ACBD6: variants seen among roughly 807,000 people sequenced by gnomAD.
ACBD6 encodes acyl-CoA binding domain containing 6, also known as acyl-CoA-binding domain-containing protein 6.
In ACBD6, 28 loss-of-function variants were observed where a neutral mutation model predicts 37.2. The observed-to-expected ratio is 0.75, with a 90% CI of 0.56 to 1.03. The LOEUF (loss-of-function observed/expected upper bound fraction) is 1.03. ACBD6 is among the 50% of genes least tolerant of loss of function. ACBD6 has a pLI of 0.00. For missense variants in ACBD6, 340 were observed against 337.4 expected (o/e 1.01, Z -0.06); for synonymous variants, 113 against 126.8 (o/e 0.89, Z 0.73).
chr1:180,363,916 A>G (rs1652940268), intron 6 of ACBD6, among the ~76,000 whole-genome samples: 1 of 152,192 alleles, frequency 6.6e-6, no homozygotes, highest in South Asian at 2.1e-4. Context: ...CCCTTTACTG[A>G]TATTAGAAGT....
intron 3 of ACBD6, among the ~76,000 whole-genome samples, chr1:180,471,702 T>C (rs1166259058): frequency 6.6e-6 from 1 of 152,088 alleles, no homozygotes; most frequent in East Asian, 1.9e-4. Context: ...ATGATTCAAT[T>C]ACCTCCCCCT....
chr1:180,413,279 T>C (rs1647934689), intron 5 of ACBD6, 87 bp downstream of exon 5: 3 of 931,618 alleles, frequency 3.2e-6, no homozygotes, highest in East Asian at 2.4e-5. Flanking sequence ...CTTTGAGTTG[T>C]AGTTCATTGG....
intron 3 of ACBD6, among the ~76,000 whole-genome samples, chr1:180,437,855 G>A (rs542967074): frequency 6.6e-5 from 10 of 152,300 alleles, no homozygotes; most frequent in African/African-American, 2.4e-4. Flanking sequence ...GTGAAGAAGT[G>A]AGTCTTGCAG....
intron 6 of ACBD6, among the ~76,000 whole-genome samples, chr1:180,383,983 C>A (rs926985858): frequency 2.1e-4 from 32 of 151,924 alleles, no homozygotes; most frequent in African/African-American, 7.3e-4. Flanking sequence ...AGGGAATAAA[C>A]TGGATCCCCA....
intron 3 of ACBD6, among the ~76,000 whole-genome samples, chr1:180,457,761 C>T (rs1028048402): frequency 6.7e-6 from 1 of 148,668 alleles, no homozygotes; most frequent in African/African-American, 2.5e-5. Context: ...TGCATTATTC[C>T]AAAAAAGTCT....
At chr1:180,403,190 A>G (rs1647453503) in intron 5 of ACBD6, among the ~76,000 whole-genome samples, 1 of 152,186 alleles carries the variant, frequency 6.6e-6, no homozygotes, top group Non-Finnish European at 1.5e-5. Flanking sequence ...TGGGATTAAA[A>G]GAAAACAGTG....
downstream of ACBD6, among the ~76,000 whole-genome samples, chr1:180,284,846 G>C (rs1649427813): frequency 6.6e-6 from 1 of 151,902 alleles, no homozygotes; most frequent in African/African-American, 2.4e-5. Context: ...TAATTACCCT[G>C]ATTTTGAATA....
At chr1:180,323,592 G>A (rs1651155995) in intron 6 of ACBD6, among the ~76,000 whole-genome samples, 1 of 151,972 alleles carries the variant, frequency 6.6e-6, no homozygotes, top group Non-Finnish European at 1.5e-5. Flanking sequence ...AGTGTTGGAT[G>A]CATATATATT....
At chr1:180,465,221 C>T (rs1456614345) in intron 3 of ACBD6, among the ~76,000 whole-genome samples, 1 of 151,900 alleles carries the variant, frequency 6.6e-6, no homozygotes, top group East Asian at 1.9e-4. Context: ...AATAAACTAT[C>T]AACAGAAAAT....
At chr1:180,279,812 A>C (rs1038407470) in intron 9 of ACBD6, among the ~76,000 whole-genome samples, 1 of 151,996 alleles carries the variant, frequency 6.6e-6, no homozygotes, top group Non-Finnish European at 1.5e-5. Flanking sequence ...TGGAATGGAA[A>C]CAGCAACAGG....
chr1:180,385,054 T>C (rs1653799146), intron 6 of ACBD6, among the ~76,000 whole-genome samples: 2 of 152,176 alleles, frequency 1.3e-5, no homozygotes, highest in East Asian at 1.9e-4. Context: ...GGTATAAACA[T>C]ACAGTTAGAT....
At chr1:180,475,515 T>G (rs987444975) in intron 3 of ACBD6, among the ~76,000 whole-genome samples, 1 of 152,140 alleles carries the variant, frequency 6.6e-6, no homozygotes, top group Admixed American at 6.5e-5. Context: ...ACCTCCTGAG[T>G]AACTGGGACC....
intron 6 of ACBD6, among the ~76,000 whole-genome samples, chr1:180,349,501 T>C (rs148858881): frequency 0.044 from 6,754 of 152,008 alleles, 230 homozygotes; most frequent in South Asian, 0.09. Flanking sequence ...GTGATCCGCC[T>C]GCCTCGGCCT....
chr1:180,425,436 T>C (rs1478681664), intron 4 of ACBD6, among the ~76,000 whole-genome samples: 1 of 152,192 alleles, frequency 6.6e-6, no homozygotes, highest in Admixed American at 6.5e-5. Flanking sequence ...ACAATGTTGA[T>C]CATAGGCAAC....
chr1:180,392,329 A>C (rs1654108499), intron 6 of ACBD6, among the ~76,000 whole-genome samples: 2 of 152,008 alleles, frequency 1.3e-5, no homozygotes, highest in African/African-American at 4.8e-5. Context: ...ATTTGTGTAC[A>C]TTACCTCACT....
chr1:180,417,977 G>A (rs996355138), intron 4 of ACBD6, among the ~76,000 whole-genome samples: 6 of 152,190 alleles, frequency 3.9e-5, no homozygotes, highest in East Asian at 1.9e-4. Context: ...AAATAATGCC[G>A]TCATCTCACT....
At chr1:180,277,870 C>CA (rs1553285482) in intron 9 of ACBD6, 1 of 60,170 alleles carries the variant, frequency 1.7e-5, no homozygotes, top group Non-Finnish European at 5.1e-5. Flanking sequence ...TGTCCTTAAA[C>CA]TTTTTTTGGG....
chr1:180,312,499 G>T (rs1357375124), intron 7 of ACBD6, among the ~76,000 whole-genome samples: 1 of 152,066 alleles, frequency 6.6e-6, no homozygotes, highest in African/African-American at 2.4e-5. Flanking sequence ...TGAGAATGAT[G>T]ATGATTTTGT....
chr1:180,318,299 A>G (rs12126898), intron 6 of ACBD6, among the ~76,000 whole-genome samples: 320 of 152,090 alleles, frequency 2.1e-3, no homozygotes, highest in Non-Finnish European at 3.8e-3. Flanking sequence ...CTCTTTTCTC[A>G]TGTTTAAAAA....
Sources: gnomAD v4.1 joint callset for allele counts (sites outside exome capture counted in the v4.1 genomes callset) on GRCh38, gnomAD v4.1.1 for gene constraint, MANE v1.5 for transcripts, NCBI Gene and HGNC (gene_info 2026-07-23, HGNC 2026-07-21) for gene names.